The following GRM5 variants were observed in gnomAD, a reference collection of about 807,000 sequenced individuals.
GRM5 encodes glutamate metabotropic receptor 5.
Under a neutral mutation model 83.1 loss-of-function variants are expected in GRM5, and 19 were observed. The observed-to-expected ratio is 0.23, with a 90% CI of 0.16 to 0.34. The LOEUF is 0.34. Among genes scored for constraint, GRM5 ranks in the 10% least tolerant of loss-of-function variants. The pLI is 1.00. For missense variants in GRM5, 1,160 were observed against 1,588.3 expected (o/e 0.73, Z 4.58); for synonymous variants, 675 against 633.6 (o/e 1.07, Z -0.98).
At chr11:88,649,154 T>C (rs1237467466) in intron 4 of GRM5, among the ~76,000 whole-genome samples, 2 of 140,670 alleles carry the variant, frequency 1.4e-5, no homozygotes, top group Non-Finnish European at 3.0e-5. Flanking sequence ...GTTTATTACA[T>C]ATATACATAC....
chr11:89,013,826 C>A (rs553600181), intron 2 of GRM5, among the ~76,000 whole-genome samples: 1 of 152,216 alleles, frequency 6.6e-6, no homozygotes, highest in Non-Finnish European at 1.5e-5. Flanking sequence ...CTTATCACAG[C>A]CTACCAGATA....
chr11:89,047,866 G>A lies in GRM5; in HGVS notation c.7C>T (p.Leu3Phe). The A allele has an allele frequency of 6.2e-7, 1 of 1,613,138 alleles. No individual in the cohort carries two copies. The highest frequency in any genetic ancestry group is 1.1e-5 in the South Asian group (1 of 91,044). ...AGTAAGACTGACAGGATCAACAGAA[G>A]GACCATTTTAGGAAAGGAGTTCAAG... MV[L>F]LLILSVLLLK... Residue 3 changes from leucine (L) to phenylalanine (F), a missense_variant, in exon 2 of 10, where the codon CTT becomes TTT. Coordinates refer to ENST00000305447, the MANE Select transcript of GRM5 (RefSeq NM_001143831.3). The surrounding 1 kb of genome is among the most constrained non-coding windows in gnomAD (Gnocchi z 5.1).
chr11:88,932,742 T>C (rs1199103774), intron 2 of GRM5, among the ~76,000 whole-genome samples: 1 of 151,940 alleles, frequency 6.6e-6, no homozygotes. Context: ...TTTCCAAGGT[T>C]ACCAATATTT....
At chr11:88,762,069 TAAAACCCCA>T (rs1942529598) in intron 3 of GRM5, among the ~76,000 whole-genome samples, 1 of 151,944 alleles carries the variant, frequency 6.6e-6, no homozygotes, top group African/African-American at 2.4e-5. Context: ...TACTTAAATG[TAAAACCCCA>T]AAAACCTTGG....
chr11:89,007,983 C>A (rs2135083193), intron 2 of GRM5, among the ~76,000 whole-genome samples: 1 of 152,248 alleles, frequency 6.6e-6, no homozygotes, highest in South Asian at 2.1e-4. Flanking sequence ...GAAACACAGT[C>A]CTGGATAATA....
intron 2 of GRM5, among the ~76,000 whole-genome samples, chr11:89,005,107 A>T (rs1940489167): frequency 6.6e-6 from 1 of 152,082 alleles, no homozygotes; most frequent in East Asian, 1.9e-4. Flanking sequence ...ACTTAGCAAA[A>T]CTCTTACATA....
intron 3 of GRM5, among the ~76,000 whole-genome samples, chr11:88,845,915 C>T (rs188943645): frequency 1.3e-5 from 2 of 152,268 alleles, no homozygotes; most frequent in South Asian, 2.1e-4. Context: ...ATAATATCTA[C>T]CTCTGGGGAA....
Position 88,530,609 on chromosome 11 carries a change from A to C in GRM5, c.2631-5205T>G, listed in dbSNP as rs7930522. The stretch of plus-strand genomic sequence containing the variant: ...GTAATTTTCCATTATTATTTGGATA[A>C]AAAATTTCATTTCTTCACCTCAATT... On this transcript the variant is annotated intron_variant, in intron 8 of 9. Transcript: ENST00000305447. Among the ~76,000 whole-genome samples, 216 of 152,188 alleles carry C rather than the reference A, an allele frequency of 1.4e-3. 2 individuals are homozygous for C. The highest frequency in any genetic ancestry group is 5.0e-3 in the African/African-American group (207 of 41,552).
intron 4 of GRM5, among the ~76,000 whole-genome samples, chr11:88,636,171 A>C (rs936706189): frequency 1.3e-5 from 2 of 152,178 alleles, no homozygotes; most frequent in African/African-American, 4.8e-5. Flanking sequence ...ATAGAATTGA[A>C]AGCCAACCTC....
chr11:88,779,472 A>G (rs1041484198), intron 3 of GRM5, among the ~76,000 whole-genome samples: 1 of 152,202 alleles, frequency 6.6e-6, no homozygotes, highest in African/African-American at 2.4e-5. Flanking sequence ...TCGAGTCTAG[A>G]TAAGTGCTCA....
intron 8 of GRM5, 28 bp from the exon 9 acceptor site, chr11:88,525,432 A>G: frequency 7.4e-7 from 1 of 1,359,170 alleles, no homozygotes; most frequent in Non-Finnish European, 1.1e-6. Context: ...GGACAGGAGC[A>G]AACAGAAAGA....
At chr11:88,761,758 C>CA (rs1353245643) in intron 3 of GRM5, among the ~76,000 whole-genome samples, 1 of 151,956 alleles carries the variant, frequency 6.6e-6, no homozygotes, top group East Asian at 1.9e-4. Flanking sequence ...CAATTCCAAG[C>CA]AAAAGGAACA....
chr11:88,601,934 T>C (rs755945492), intron 5 of GRM5, among the ~76,000 whole-genome samples: 1 of 152,134 alleles, frequency 6.6e-6, no homozygotes, highest in African/African-American at 2.4e-5. Flanking sequence ...ACCTTTCTTA[T>C]AAAAACAAGC....
At chr11:88,932,989 A>T (rs1013261376) in intron 2 of GRM5, among the ~76,000 whole-genome samples, 23 of 151,914 alleles carry the variant, frequency 1.5e-4, no homozygotes, top group African/African-American at 4.3e-4. Flanking sequence ...TTAAAAAATC[A>T]ATTTTATTTG....
intron 3 of GRM5, among the ~76,000 whole-genome samples, chr11:88,737,719 T>C (rs1295625814): frequency 1.3e-5 from 2 of 152,074 alleles, no homozygotes; most frequent in Non-Finnish European, 2.9e-5. Flanking sequence ...CTTGTCATGA[T>C]TTTAAGCAGG....
intron 1 of GRM5, among the ~76,000 whole-genome samples, chr11:89,064,616 T>A (rs1565358069): frequency 6.6e-6 from 1 of 152,082 alleles, no homozygotes; most frequent in Non-Finnish European, 1.5e-5. Context: ...GGGACCTTCA[T>A]GTCCCCAAAT....
intron 3 of GRM5, among the ~76,000 whole-genome samples, chr11:88,774,048 G>A (rs938777648): frequency 5.3e-5 from 8 of 152,152 alleles, no homozygotes; most frequent in Admixed American, 1.3e-4. Context: ...TGGGCAGTAT[G>A]GCAATTTTCA....
chr11:88,816,626 A>G (rs942779623), intron 3 of GRM5, among the ~76,000 whole-genome samples: 20 of 151,554 alleles, frequency 1.3e-4, no homozygotes, highest in African/African-American at 4.8e-4. Flanking sequence ...GCAAATAAAA[A>G]TCAAAGCAAA....
rs1941148236 is a variant in GRM5, at chr11:88,505,082, C to T, written c.*3510G>A. On this transcript the variant is annotated 3_prime_UTR_variant, in exon 10 of 10. Coordinates refer to ENST00000305447, the MANE Select transcript of GRM5 (RefSeq NM_001143831.3). ...ATTCAACCAACTATTTTATACATGC[C>T]TCATTCTTCAATAGACAGTAGAGAC... 1 of 152,074 alleles carries T rather than the reference C, an allele frequency of 6.6e-6. No homozygotes were observed. The highest frequency in any genetic ancestry group is 2.4e-5 in the African/African-American group (1 of 41,400). The allele number at this position is 152,074 out of a possible 1,614,324, so 9.4% of individuals were successfully genotyped here.
Sources: gnomAD v4.1 joint callset for allele counts (sites outside exome capture counted in the v4.1 genomes callset) on GRCh38, gnomAD v4.1.1 for gene constraint, Gnocchi (gnomAD v3.1) non-coding constraint, MANE v1.5 for transcripts, NCBI Gene and HGNC (gene_info 2026-07-23, HGNC 2026-07-21) for gene names.